The following NAALADL2 variants were observed in gnomAD, a reference collection of about 807,000 sequenced individuals.
NAALADL2 encodes inactive N-acetylated-alpha-linked acidic dipeptidase-like protein 2.
NAALADL2 carries 76 observed loss-of-function variants against 87.2 expected under a neutral mutation model. That is an observed-to-expected ratio of 0.87 (90% confidence interval 0.72 to 1.05). NAALADL2 has a LOEUF of 1.05. NAALADL2 is among the 50% of genes least tolerant of loss of function. The pLI is 0.00. For synonymous variants in NAALADL2, 354 were observed against 331.0 expected (o/e 1.07, Z -0.75); for missense variants, 1,089 against 945.8 (o/e 1.15, Z -1.99).
At chr3:174,882,819 G>GTA (rs1334356556) in intron 1 of NAALADL2, among the ~76,000 whole-genome samples, 1 of 138,470 alleles carries the variant, frequency 7.2e-6, no homozygotes, top group African/African-American at 3.1e-5. Flanking sequence ...GTGCATATGT[G>GTA]TATATATACA....
intron 4 of NAALADL2, among the ~76,000 whole-genome samples, chr3:175,291,717 T>A (rs1234856104): frequency 2.0e-5 from 3 of 152,100 alleles, no homozygotes; most frequent in Admixed American, 6.5e-5. Context: ...TGAGATAGAA[T>A]ATCCACTAAT....
rs530812333 is a variant in NAALADL2 at position 175,453,678 on chromosome 3, G to A, written c.1234+6306G>A. Among the ~76,000 whole-genome samples, 121 of 152,104 alleles carry A rather than the reference G, an allele frequency of 8.0e-4. 1 individual carries two copies. The highest frequency in any genetic ancestry group is 2.7e-3 in the African/African-American group (114 of 41,512). ...TCCTCTTCATAATTGAATTATTTGTGGTTTTCTTTATGGTTCAGGGTATCA... is the reference window on the plus strand; with the variant it reads ...TCCTCTTCATAATTGAATTATTTGTAGTTTTCTTTATGGTTCAGGGTATCA... On this transcript the variant is annotated intron_variant, in intron 6 of 13. Transcript: ENST00000454872.
chr3:174,898,981 C>T (rs1731971930), intron 1 of NAALADL2, among the ~76,000 whole-genome samples: 1 of 152,022 alleles, frequency 6.6e-6, no homozygotes, highest in African/African-American at 2.4e-5. Flanking sequence ...TTATTTTGTG[C>T]ACTTTTCTGT....
At chr3:175,570,942 T>A (rs1210063020) in intron 9 of NAALADL2, among the ~76,000 whole-genome samples, 1 of 152,104 alleles carries the variant, frequency 6.6e-6, no homozygotes, top group Non-Finnish European at 1.5e-5. Context: ...GTATTTTTAT[T>A]TTGAATGTTA....
intron 11 of NAALADL2, among the ~76,000 whole-genome samples, chr3:175,724,674 G>A (rs1742697108): frequency 6.6e-6 from 1 of 151,976 alleles, no homozygotes; most frequent in Non-Finnish European, 1.5e-5. Context: ...AAGTTCAAAA[G>A]AACAATCTAT....
chr3:175,024,160 A>G (rs1183233225), intron 1 of NAALADL2, among the ~76,000 whole-genome samples: 2 of 152,072 alleles, frequency 1.3e-5, no homozygotes, highest in African/African-American at 4.8e-5. Flanking sequence ...GAAATACATG[A>G]TTTTTGTAAA....
intron 9 of NAALADL2, among the ~76,000 whole-genome samples, chr3:175,508,841 C>A (rs1056963156): frequency 6.6e-6 from 1 of 152,012 alleles, no homozygotes; most frequent in Non-Finnish European, 1.5e-5. Context: ...GAGGACTATG[C>A]GCGATGGCTC....
chr3:174,655,379 A>G (rs115935773), intron 2 of NAALADL2, among the ~76,000 whole-genome samples: 10 of 151,604 alleles, frequency 6.6e-5, no homozygotes, highest in Admixed American at 2.0e-4. Context: ...TAAATGTTAC[A>G]TGAACAACAG....
chr3:175,667,181 GAGAAAGAAAGAAAGAAAGAA>G (rs201860926), intron 11 of NAALADL2, among the ~76,000 whole-genome samples: 100 of 95,236 alleles, frequency 1.1e-3, no homozygotes, highest in Admixed American at 3.9e-3. Context: ...AAGAAAGAAA[GAGAAAGAAAGAAAGAAAGAA>G]AGAAAGAAAG....
At chr3:175,423,885 G>A (rs554830288) in intron 5 of NAALADL2, among the ~76,000 whole-genome samples, 3 of 152,288 alleles carry the variant, frequency 2.0e-5, no homozygotes, top group East Asian at 3.9e-4. Flanking sequence ...CCCACCAACA[G>A]TGTAAAAATG....
chr3:175,642,499 C>CT (rs1206070195), intron 11 of NAALADL2, among the ~76,000 whole-genome samples: 35,570 of 141,340 alleles, frequency 0.25, 4,827 homozygotes, highest in African/African-American at 0.38. Flanking sequence ...TCACCCAAAT[C>CT]TTTTTTTTTT....
chr3:174,818,290 G>A (rs1395617982), intron 3 of NAALADL2, among the ~76,000 whole-genome samples: 4 of 152,050 alleles, frequency 2.6e-5, no homozygotes, highest in South Asian at 2.1e-4. Flanking sequence ...TAGGTGCCAC[G>A]TCTCTAGCTT....
chr3:175,355,020 ATATG>A (rs1466156275), intron 5 of NAALADL2, among the ~76,000 whole-genome samples: 28 of 100,658 alleles, frequency 2.8e-4, no homozygotes, highest in African/African-American at 1.0e-3. Context: ...TGCTATATAT[ATATG>A]TGTGTGTGTG....
intron 1 of NAALADL2, among the ~76,000 whole-genome samples, chr3:174,983,229 A>G (rs1394809810): frequency 6.6e-6 from 1 of 152,176 alleles, no homozygotes; most frequent in Admixed American, 6.5e-5. Flanking sequence ...ATTCTGTATT[A>G]TATTTTCTGA....
chr3:175,802,295 A>G (rs536053891), intron 13 of NAALADL2, among the ~76,000 whole-genome samples: 6 of 150,532 alleles, frequency 4.0e-5, no homozygotes, highest in Admixed American at 2.7e-4. Flanking sequence ...ATACAAGTCT[A>G]GTAAGGTCTA....
intron 11 of NAALADL2, among the ~76,000 whole-genome samples, chr3:175,732,893 G>T (rs550798561): frequency 6.6e-6 from 1 of 151,570 alleles, no homozygotes; most frequent in Middle Eastern, 3.4e-3. Flanking sequence ...ACACACGCTG[G>T]GGTCTGTCGG....
chr3:174,761,457 A>C (rs1712939190), intron 3 of NAALADL2, among the ~76,000 whole-genome samples: 1 of 152,204 alleles, frequency 6.6e-6, no homozygotes, highest in South Asian at 2.1e-4. Context: ...ATGATACATA[A>C]AAATGGATCA....
chr3:174,870,007 C>CAAAAAA (rs71624295), intron 1 of NAALADL2, among the ~76,000 whole-genome samples: 1 of 62,860 alleles, frequency 1.6e-5, no homozygotes, highest in Non-Finnish European at 2.9e-5. Flanking sequence ...CCCCACCCGC[C>CAAAAAA]AAAAAAAAAA....
chr3:174,445,650 G>A (rs1176008451), intron 1 of NAALADL2, among the ~76,000 whole-genome samples: 5 of 151,928 alleles, frequency 3.3e-5, no homozygotes, highest in East Asian at 1.9e-4. Context: ...ATTAGATGTC[G>A]GCATGCACAT....
Sources: gnomAD v4.1 joint callset for allele counts (sites outside exome capture counted in the v4.1 genomes callset) on GRCh38, gnomAD v4.1.1 for gene constraint, MANE v1.5 for transcripts, NCBI Gene and HGNC (gene_info 2026-07-23, HGNC 2026-07-21) for gene names.